MDM1: variants seen among roughly 807,000 people sequenced by gnomAD.
MDM1 encodes Mdm1 nuclear protein.
MDM1 carries 61 observed loss-of-function variants against 89.1 expected under a neutral mutation model. The observed-to-expected ratio is 0.68, with a 90% CI of 0.56 to 0.85. The LOEUF (loss-of-function observed/expected upper bound fraction) is 0.85, where lower values mean the gene tolerates loss of function less well. MDM1 is among the 40% of genes least tolerant of loss of function. MDM1 has a pLI of 0.00. For synonymous variants in MDM1, 290 were observed against 294.1 expected (o/e 0.99, Z 0.14); for missense variants, 820 against 846.5 (o/e 0.97, Z 0.39).
intron 1 of MDM1, 148 bp downstream of exon 1, chr12:68,332,080 T>C (rs1876914221): frequency 9.1e-7 from 1 of 1,100,504 alleles, no homozygotes; most frequent in African/African-American, 1.5e-5. Flanking sequence ...GCGGGCAGAT[T>C]CTGGGGCCCC....
chr12:68,331,048 C>T, intron 2 of MDM1, 59 bp downstream of exon 2: 1 of 982,586 alleles, frequency 1.0e-6, no homozygotes, highest in Admixed American at 1.8e-5. Flanking sequence ...GTTATAACGG[C>T]TTGGCCCAAG....
At chr12:68,300,771 C>T (rs549516536) in intron 13 of MDM1, among the ~76,000 whole-genome samples, 12 of 152,240 alleles carry the variant, frequency 7.9e-5, no homozygotes, top group South Asian at 2.1e-4. Context: ...AGAAAGTCAA[C>T]GAAGAAACAA....
intron 7 of MDM1, among the ~76,000 whole-genome samples, chr12:68,317,684 C>T (rs1874680393): frequency 6.6e-6 from 1 of 152,198 alleles, no homozygotes; most frequent in African/African-American, 2.4e-5. Flanking sequence ...TTTCTATCAA[C>T]TCCTATACCT....
intron 1 of MDM1, among the ~76,000 whole-genome samples, chr12:68,331,800 T>C (rs375307901): frequency 6.7e-4 from 102 of 152,342 alleles, no homozygotes; most frequent in African/African-American, 2.1e-3. Flanking sequence ...TGTATTTCTT[T>C]ATACGCTGTC....
intron 12 of MDM1, among the ~76,000 whole-genome samples, chr12:68,310,422 T>C (rs943466086): frequency 3.9e-5 from 6 of 152,202 alleles, no homozygotes; most frequent in Non-Finnish European, 7.3e-5. Flanking sequence ...AAATAATACA[T>C]ATAAATCCAG....
chr12:68,332,208 C>A lies in MDM1; in HGVS notation c.18+20G>T. 1 of 1,553,206 alleles carries A rather than the reference C, an allele frequency of 6.4e-7. No individual in the cohort carries two copies. Among genetic ancestry groups the A allele is most frequent in the Non-Finnish European group, 8.7e-7 (1 of 1,148,524 alleles). On this transcript the variant is annotated intron_variant, in intron 1 of 14. Coordinates refer to ENST00000682720, the MANE Select transcript of MDM1 (RefSeq NM_001354969.2). ...ATGGCTCCCCCCAGCCACATTCCGG[C>A]CCGGGGACCCCAGCCTCACCTTGAA...
At chr12:68,327,387 A>T in intron 2 of MDM1, 1 of 1,534,956 alleles carries the variant, frequency 6.5e-7, no homozygotes, top group Non-Finnish European at 8.7e-7. Context: ...TAACAGAACA[A>T]TGGGCCCTGG....
intron 2 of MDM1, among the ~76,000 whole-genome samples, chr12:68,330,325 AAG>A (rs1307708617): frequency 1.3e-5 from 2 of 152,188 alleles, no homozygotes; most frequent in Non-Finnish European, 2.9e-5. Flanking sequence ...ACTAGGGAGA[AAG>A]AGAGTTTTTA....
chr12:68,324,265 GCT>G (rs1180729498), intron 4 of MDM1, among the ~76,000 whole-genome samples: 1 of 151,980 alleles, frequency 6.6e-6, no homozygotes, highest in Non-Finnish European at 1.5e-5. Context: ...ATTTGAATCA[GCT>G]CTATTTTAAA....
At chr12:68,297,524 T>C (rs1871572462) in intron 13 of MDM1, among the ~76,000 whole-genome samples, 1 of 152,220 alleles carries the variant, frequency 6.6e-6, no homozygotes, top group Non-Finnish European at 1.5e-5. Flanking sequence ...GGTTTGGGCA[T>C]ACTGAGTACC....
intron 4 of MDM1, 158 bp downstream of exon 4, chr12:68,325,283 G>C: frequency 7.6e-7 from 1 of 1,321,592 alleles, no homozygotes; most frequent in Non-Finnish European, 9.7e-7. Flanking sequence ...TAAATCATAA[G>C]TAATAGGATG....
In MDM1 at chr12:68,295,173, TCACTC is replaced by T; in HGVS notation, c.*76_*80del. On this transcript the variant is annotated 3_prime_UTR_variant, in exon 15 of 15. Coordinates refer to ENST00000682720, the MANE Select transcript of MDM1 (RefSeq NM_001354969.2). The stretch of plus-strand genomic sequence containing the variant: ...AAAGTAGAAAACGTTAGGAAAAACT[TCACTC>T]AAAAAATTTTAACACAGTAAGCAAT... 1.2e-6 allele frequency: 1 copy of T among 839,938 alleles called. No individual in the cohort carries two copies. The highest frequency in any genetic ancestry group is 1.9e-6 in the Non-Finnish European group (1 of 521,044). The allele number at this position is 839,938 out of a possible 1,614,324, so 52.0% of individuals were successfully genotyped here. A position where few individuals can be genotyped will look rare whatever the true frequency, so the allele number is the denominator to read the frequency against.
chr12:68,296,869 T>C, intron 14 of MDM1, 54 bp downstream of exon 14: 2 of 1,236,874 alleles, frequency 1.6e-6, no homozygotes, highest in Non-Finnish European at 2.2e-6. Flanking sequence ...GTAAAGCCAT[T>C]ATACTCTCAT....
chr12:68,302,779 T>C lies in MDM1; in HGVS notation c.1843A>G (p.Ile615Val). ...LPLREDSEDN[I>V]HKFAEATLPV... ...AGAGTTGCCTCAGCAAATTTGTGGA[T>C]ATTGTCTTCAGAATCTTCCCGCAAA... Residue 615 changes from isoleucine (I) to valine (V), a missense_variant, in exon 13 of 15, where the codon ATC becomes GTC. By Grantham distance (29) the Ile-to-Val change is conservative. Coordinates refer to ENST00000682720, the MANE Select transcript of MDM1 (RefSeq NM_001354969.2). 6.2e-7 allele frequency: 1 copy of C among 1,613,430 alleles called. No individual in the cohort carries two copies.
chr12:68,323,183 C>A lies in MDM1; in HGVS notation c.691G>T (p.Glu231Ter). ...TTGAAATTTCTTTTGTATTCAGTTTCATGGATGACTGAGTTACCTTTGAAT... is the reference window on the plus strand; with the variant it reads ...TTGAAATTTCTTTTGTATTCAGTTTAATGGATGACTGAGTTACCTTTGAAT... Reference protein sequence around the residue: ...PPFKGNSVIHETEYKRNFKGL... With the variant: ...PPFKGNSVIH The change falls in exon 5 of 15, where the codon GAA becomes TAA. Residue 231 changes from glutamate to a stop codon, truncating the protein, a stop_gained. Coordinates refer to ENST00000682720, the MANE Select transcript of MDM1 (RefSeq NM_001354969.2). LOFTEE classifies it high-confidence loss of function. 3 of 1,609,578 alleles carry A rather than the reference C, an allele frequency of 1.9e-6. No individual in the cohort carries two copies. Among genetic ancestry groups the A allele is most frequent in the Non-Finnish European group, 2.5e-6 (3 of 1,178,550 alleles).
intron 9 of MDM1, among the ~76,000 whole-genome samples, chr12:68,315,767 TTGAC>T (rs766138552): frequency 1.3e-5 from 2 of 152,230 alleles, no homozygotes; most frequent in Non-Finnish European, 2.9e-5. Context: ...TTTATTGTTG[TTGAC>T]TTTCTTTTTA....
At chr12:68,309,068 C>T (rs140388601) in intron 12 of MDM1, among the ~76,000 whole-genome samples, 28 of 152,344 alleles carry the variant, frequency 1.8e-4, no homozygotes, top group African/African-American at 5.1e-4. Context: ...CCGGACAGAT[C>T]TTGCAAAACA....
chr12:68,326,697 T>C lies in MDM1; in HGVS notation c.458A>G (p.Glu153Gly), dbSNP rs1876032722. 1 of 1,614,070 alleles carries C rather than the reference T, an allele frequency of 6.2e-7. No individual in the cohort carries two copies. The highest frequency in any genetic ancestry group is 1.6e-4 in the Middle Eastern group (1 of 6,084). ...HTPVNENVELEHSTKVLSENV... is the reference protein window; with the variant it reads ...HTPVNENVELGHSTKVLSENV... ...TTCTGAAAGAACCTTGGTAGAATGT[T>C]CCAGTTCCACATTTTCATTAACTGG... Residue 153 changes from glutamate to glycine, a missense_variant, in exon 3 of 15, where the codon GAA (glutamate) becomes GGA (glycine). Physicochemically the swap from Glu to Gly is moderately conservative, Grantham distance 98. Transcript: ENST00000682720.
intron 1 of MDM1, 131 bp from the exon 2 acceptor site, chr12:68,331,352 C>T: frequency 1.5e-6 from 1 of 664,554 alleles, no homozygotes; most frequent in Non-Finnish European, 2.7e-6. Flanking sequence ...AGACGAGCTC[C>T]TTAATAAGAG....
Sources: allele counts gnomAD v4.1 joint callset (sites outside exome capture counted in the v4.1 genomes callset), GRCh38; gene constraint gnomAD v4.1.1; transcripts MANE v1.5; gene names NCBI Gene and HGNC (gene_info 2026-07-23, HGNC 2026-07-21).